Variants in XIRP2 observed in about 807,000 individuals in gnomAD.
XIRP2 encodes the protein xin actin binding repeat containing 2, also known as xin actin-binding repeat-containing protein 2.
In XIRP2, 236 loss-of-function variants were observed where a neutral mutation model predicts 277.0. The observed-to-expected ratio is 0.85, with a 90% CI of 0.77 to 0.95. The LOEUF (loss-of-function observed/expected upper bound fraction) is 0.95. Among genes scored for constraint, XIRP2 ranks in the 40% least tolerant of loss-of-function variants. The pLI, the probability that XIRP2 is intolerant of heterozygous loss-of-function variation, is 0.00. For synonymous variants in XIRP2, 1,490 were observed against 1,416.5 expected, an observed-to-expected ratio of 1.05 and a Z score of -1.17; for missense variants, 4,640 against 4,157.5, an observed-to-expected ratio of 1.12 and a Z score of -3.19.
At chr2:167,234,455 C>T (rs1280482881) in intron 5 of XIRP2, among the ~76,000 whole-genome samples, 2 of 150,910 alleles carry the variant, frequency 1.3e-5, no homozygotes, top group African/African-American at 2.4e-5. Context: ...ATGTATTAAA[C>T]AATACTGACA....
At chr2:167,153,995 C>A (rs1574303091) in intron 3 of XIRP2, among the ~76,000 whole-genome samples, 2 of 150,622 alleles carry the variant, frequency 1.3e-5, no homozygotes, top group Admixed American at 1.3e-4. Flanking sequence ...CTGACTTCCA[C>A]AATGGTTGAA....
intron 2 of XIRP2, among the ~76,000 whole-genome samples, chr2:167,029,721 A>T (rs1688279548): frequency 6.6e-6 from 1 of 152,146 alleles, no homozygotes; most frequent in Admixed American, 6.6e-5. Flanking sequence ...CTGGCCTCAT[A>T]AAATGAGTTA....
At chr2:167,204,990 C>A (rs1693816454) in intron 3 of XIRP2, among the ~76,000 whole-genome samples, 1 of 152,122 alleles carries the variant, frequency 6.6e-6, no homozygotes, top group South Asian at 2.1e-4. Flanking sequence ...AATCTTTACC[C>A]AATTTTCCCA....
rs182199384 is a variant in XIRP2, at chr2:167,139,617, C to T, written c.562+3555C>T. On this transcript the variant is annotated intron_variant, in intron 3 of 10. Transcript: ENST00000409195. ...TCTTTCAGTTTTCTACTGCTCTTTA[C>T]GTGAGGGGATCCTTCCAGTCATTAA... Among the ~76,000 whole-genome samples the T allele has an allele frequency of 5.9e-3, 897 of 152,210 alleles. 18 individuals carry two copies. The highest frequency in any genetic ancestry group is 3.8e-3 in the Non-Finnish European group (256 of 68,000).
chr2:166,898,516 A>G (rs1684299820), intron 1 of XIRP2, among the ~76,000 whole-genome samples: 1 of 152,144 alleles, frequency 6.6e-6, no homozygotes, highest in South Asian at 2.1e-4. Context: ...TGAAATAATT[A>G]TAGATTCATT....
At chr2:167,051,047 G>A (rs2105534825) in intron 2 of XIRP2, among the ~76,000 whole-genome samples, 1 of 152,086 alleles carries the variant, frequency 6.6e-6, no homozygotes, top group African/African-American at 2.4e-5. Flanking sequence ...GTCTGTTCAT[G>A]GAAAACATCT....
At chr2:167,192,894 T>G (rs188468219) in intron 3 of XIRP2, among the ~76,000 whole-genome samples, 1 of 152,284 alleles carries the variant, frequency 6.6e-6, no homozygotes, top group East Asian at 1.9e-4. Context: ...AGCACAGAAC[T>G]TCATTAGAGC....
chr2:166,998,636 C>CA (rs965206527), intron 2 of XIRP2, among the ~76,000 whole-genome samples: 14 of 151,938 alleles, frequency 9.2e-5, no homozygotes, highest in East Asian at 7.7e-4. Context: ...GACTCCATCT[C>CA]AAAAAAACAA....
intron 2 of XIRP2, among the ~76,000 whole-genome samples, chr2:167,135,579 A>G (rs1362173585): frequency 1.3e-5 from 2 of 152,126 alleles, no homozygotes; most frequent in African/African-American, 2.4e-5. Context: ...AACATTTCTC[A>G]GGCCTAGAAA....
intron 2 of XIRP2, among the ~76,000 whole-genome samples, chr2:166,966,402 A>G (rs919604908): frequency 2.0e-5 from 3 of 151,768 alleles, no homozygotes; most frequent in South Asian, 2.1e-4. Flanking sequence ...TTTTTTACAT[A>G]TATCTATATT....
intron 5 of XIRP2, among the ~76,000 whole-genome samples, chr2:167,219,258 A>G (rs2105401688): frequency 6.6e-6 from 1 of 152,286 alleles, no homozygotes; most frequent in East Asian, 1.9e-4. Flanking sequence ...TTATGGCAAG[A>G]TTTCTTTTTA....
At chr2:167,018,817 A>G (rs180999562) in intron 2 of XIRP2, among the ~76,000 whole-genome samples, 1 of 151,864 alleles carries the variant, frequency 6.6e-6, no homozygotes, top group Non-Finnish European at 1.5e-5. Flanking sequence ...AATACACATC[A>G]CCTCCCACTT....
chr2:167,187,826 GA>G (rs1421876191), intron 3 of XIRP2, among the ~76,000 whole-genome samples: 1 of 152,072 alleles, frequency 6.6e-6, no homozygotes, highest in Non-Finnish European at 1.5e-5. Context: ...TTACAAATAA[GA>G]GGGAAAGCAC....
At chr2:167,198,516 G>GA (rs1337730296) in intron 3 of XIRP2, among the ~76,000 whole-genome samples, 1 of 152,128 alleles carries the variant, frequency 6.6e-6, no homozygotes, top group African/African-American at 2.4e-5. Flanking sequence ...AAGCACATTA[G>GA]AAAAACATAA....
In XIRP2 at chr2:167,248,453, A is replaced by C; in HGVS notation, c.7061A>C (p.Lys2354Thr). Residue 2354 changes from lysine to threonine, a missense_variant, in exon 9 of 11, where the codon AAA (lysine) becomes ACA (threonine). Coordinates refer to ENST00000409195, the MANE Select transcript of XIRP2 (RefSeq NM_152381.6). Reference protein sequence around the residue: ...LPLPPPPVDEKSERESSSMFL... With the variant: ...LPLPPPPVDETSERESSSMFL... ...CTTCCTCCACCTCCAGTAGATGAGA[A>C]ATCTGAAAGAGAAAGTTCATCGATG... The C allele has an allele frequency of 6.2e-7, 1 of 1,613,638 alleles. No homozygotes were observed. The highest frequency in any genetic ancestry group is 1.3e-5 in the African/African-American group (1 of 74,946).
chr2:166,903,439 T>C, intron 1 of XIRP2, 26 bp from the exon 2 acceptor site: 1 of 1,570,932 alleles, frequency 6.4e-7, no homozygotes, highest in South Asian at 1.2e-5. Flanking sequence ...AGTGTATCAC[T>C]GATAAAAGGA....
intron 2 of XIRP2, among the ~76,000 whole-genome samples, chr2:167,087,626 G>A (rs962903135): frequency 1.3e-5 from 2 of 152,250 alleles, no homozygotes; most frequent in South Asian, 4.1e-4. Context: ...CGAGCCAGGT[G>A]CGGGATATAA....
chr2:167,159,626 A>G lies in XIRP2; in HGVS notation c.562+23564A>G, dbSNP rs529050835. ...CTTTTCTGACCATGAGACATTGGGCAAAATATGTTGGGAAAAATATTTAAC... is the reference window on the plus strand; with the variant it reads ...CTTTTCTGACCATGAGACATTGGGCGAAATATGTTGGGAAAAATATTTAAC... On this transcript the variant is annotated intron_variant, in intron 3 of 10. Coordinates refer to ENST00000409195, the MANE Select transcript of XIRP2 (RefSeq NM_152381.6). Among the ~76,000 whole-genome samples, 3 of 152,320 alleles carry G rather than the reference A, an allele frequency of 2.0e-5. No homozygotes were observed. In the East Asian group the frequency reaches 5.8e-4, roughly 29 times the overall value.
chr2:166,922,704 C>T (rs779197065), intron 2 of XIRP2, among the ~76,000 whole-genome samples: 2 of 150,698 alleles, frequency 1.3e-5, no homozygotes, highest in African/African-American at 2.4e-5. Context: ...TGCAGCAAGC[C>T]GAGATCACAC....
Sources: gnomAD v4.1 joint callset for allele counts (sites outside exome capture counted in the v4.1 genomes callset) on GRCh38, gnomAD v4.1.1 for gene constraint, MANE v1.5 for transcripts, NCBI Gene and HGNC (gene_info 2026-07-23, HGNC 2026-07-21) for gene names.